The following NBEA variants were observed in gnomAD, a reference collection of about 807,000 sequenced individuals.
The protein encoded by NBEA is lysosomal-trafficking regulator 2.
A neutral mutation model predicts 343.4 loss-of-function variants in NBEA; 44 were observed. The ratio of observed to expected loss-of-function variants is 0.13; its 90% confidence interval spans 0.10 to 0.16. The LOEUF (loss-of-function observed/expected upper bound fraction) is 0.16, where lower values mean the gene tolerates loss of function less well. Among genes scored for constraint, NBEA ranks in the 10% least tolerant of loss-of-function variants. NBEA has a pLI of 1.00. For missense variants in NBEA, 2,555 were observed against 3,631.3 expected, an observed-to-expected ratio of 0.70 and a Z score of 7.62; for synonymous variants, 1,175 against 1,238.7, an observed-to-expected ratio of 0.95 and a Z score of 1.08.
chr13:35,657,473 CT>C, intron 55 of NBEA, among the ~76,000 whole-genome samples: 1 of 152,298 alleles, frequency 6.6e-6, no homozygotes, highest in East Asian at 1.9e-4. Flanking sequence ...CCTATTTACT[CT>C]TTTGTAAAGC....
intron 4 of NBEA, among the ~76,000 whole-genome samples, chr13:35,047,201 TTGTGTG>T (rs139134555): frequency 2.5e-4 from 37 of 148,068 alleles, no homozygotes; most frequent in Middle Eastern, 7.0e-3. Context: ...TCATTTGAAA[TTGTGTG>T]TGTGTGTGTG....
chr13:35,626,796 C>T (rs2083250075), intron 48 of NBEA, among the ~76,000 whole-genome samples: 1 of 151,966 alleles, frequency 6.6e-6, no homozygotes, highest in South Asian at 2.1e-4. Flanking sequence ...TTCCTGTGTT[C>T]TACTCTGAAC....
chr13:35,232,932 C>T (rs904635567), intron 34 of NBEA, among the ~76,000 whole-genome samples: 2 of 152,048 alleles, frequency 1.3e-5, no homozygotes, highest in Non-Finnish European at 1.5e-5. Flanking sequence ...GTTTATTAAG[C>T]AGTGATCTCT....
intron 41 of NBEA, among the ~76,000 whole-genome samples, chr13:35,479,839 A>G (rs779262242): frequency 3.3e-5 from 5 of 152,140 alleles, no homozygotes; most frequent in African/African-American, 4.8e-5. Context: ...AATTGTTTTC[A>G]GTGGTAGGCA....
chr13:35,509,931 G>A (rs1345276997), intron 41 of NBEA, among the ~76,000 whole-genome samples: 2 of 152,288 alleles, frequency 1.3e-5, no homozygotes, highest in East Asian at 1.9e-4. Context: ...CAAGCTAAAA[G>A]GGGAGCTCAT....
chr13:35,429,772 C>T (rs2044965232), intron 38 of NBEA, among the ~76,000 whole-genome samples: 1 of 150,266 alleles, frequency 6.7e-6, no homozygotes, highest in Admixed American at 6.7e-5. Flanking sequence ...TTCTCACCCA[C>T]CTCCCACCCT....
intron 10 of NBEA, among the ~76,000 whole-genome samples, chr13:35,078,571 G>T (rs2064224182): frequency 6.6e-6 from 1 of 152,182 alleles, no homozygotes; most frequent in Non-Finnish European, 1.5e-5. Flanking sequence ...TCAATGAGGG[G>T]ATTTGGTTGT....
At chr13:35,439,105 C>T (rs1245274244) in intron 39 of NBEA, among the ~76,000 whole-genome samples, 2 of 152,174 alleles carry the variant, frequency 1.3e-5, no homozygotes, top group African/African-American at 4.8e-5. Context: ...TGATTCCCAA[C>T]AGGGGCAGGG....
intron 41 of NBEA, among the ~76,000 whole-genome samples, chr13:35,521,383 A>T (rs1024007829): frequency 6.6e-6 from 1 of 152,210 alleles, no homozygotes; most frequent in African/African-American, 2.4e-5. Context: ...AATATTCAGG[A>T]ATCATTTGGT....
At chr13:35,187,880 A>G (rs1220155844) in intron 30 of NBEA, among the ~76,000 whole-genome samples, 4 of 151,992 alleles carry the variant, frequency 2.6e-5, no homozygotes, top group Non-Finnish European at 5.9e-5. Flanking sequence ...TTTTTTAATC[A>G]TGCCAAGCAT....
At chr13:35,627,460 G>A (rs1001334036) in intron 48 of NBEA, among the ~76,000 whole-genome samples, 13 of 149,688 alleles carry the variant, frequency 8.7e-5, no homozygotes, top group East Asian at 2.0e-4. Flanking sequence ...TCTTTTTTCT[G>A]TTTATGGAAA....
chr13:35,407,252 A>C (rs1243788484), intron 38 of NBEA, among the ~76,000 whole-genome samples: 1 of 152,044 alleles, frequency 6.6e-6, no homozygotes, highest in Non-Finnish European at 1.5e-5. Flanking sequence ...GGCATGAACC[A>C]CTGCACCCGG....
intron 34 of NBEA, among the ~76,000 whole-genome samples, chr13:35,236,208 C>G (rs1386101005): frequency 6.6e-6 from 1 of 152,148 alleles, no homozygotes; most frequent in Admixed American, 6.5e-5. Context: ...CTAGTTCATA[C>G]AACCCAGAAC....
rs150987101 is a variant in NBEA, at chr13:34,978,377, A to G, written c.294+35263A>G. Among the ~76,000 whole-genome samples, 580 of 152,282 alleles carry G rather than the reference A, an allele frequency of 3.8e-3. 4 individuals are homozygous for G. Among genetic ancestry groups the G allele is most frequent in the African/African-American group, 0.013 (558 of 41,566 alleles). ...TTTTACTAAAATAACTTTATCACAT[A>G]TCTGTATTTTTATGCATCCATCGAT... is the stretch of plus-strand genomic sequence containing the variant. On this transcript the variant is annotated intron_variant, in intron 1 of 58. Transcript: ENST00000379939.
intron 39 of NBEA, among the ~76,000 whole-genome samples, chr13:35,449,296 A>G (rs189839526): frequency 1.4e-4 from 21 of 152,354 alleles, no homozygotes; most frequent in African/African-American, 4.8e-4. Flanking sequence ...TGACAAAAGT[A>G]TGGAAGGCGG....
At chr13:35,107,678 T>C (rs533268772) in intron 11 of NBEA, among the ~76,000 whole-genome samples, 1 of 152,158 alleles carries the variant, frequency 6.6e-6, no homozygotes, top group East Asian at 1.9e-4. Flanking sequence ...TCAATTTTGC[T>C]AGCTGCTTTT....
At chr13:35,448,714 C>T (rs1353871157) in intron 39 of NBEA, among the ~76,000 whole-genome samples, 1 of 152,054 alleles carries the variant, frequency 6.6e-6, no homozygotes, top group Non-Finnish European at 1.5e-5. Context: ...ATGGTGGAAG[C>T]ATAAGGGAAA....
In NBEA at chr13:35,357,012, A is replaced by AT. The variant is rs1338659113; in HGVS notation, c.6179+4696dup. 5.9e-5 allele frequency among the ~76,000 whole-genome samples: 9 copies of AT among 152,152 alleles called. No homozygotes were observed. In the South Asian group the frequency reaches 8.3e-4, roughly 14 times the overall value. On this transcript the variant is annotated intron_variant, in intron 38 of 58. Transcript: ENST00000379939. The stretch of plus-strand genomic sequence containing the variant: ...TTGGCATATAATTTACTGTTTAACT[A>AT]TTTTTTTACCTGATATTATGGACTT...
At chr13:35,343,668 A>G (rs1192527539) in intron 36 of NBEA, among the ~76,000 whole-genome samples, 1 of 152,106 alleles carries the variant, frequency 6.6e-6, no homozygotes, top group Non-Finnish European at 1.5e-5. Flanking sequence ...GATCAGTGGC[A>G]GTATTAGATT....
Sources: allele counts gnomAD v4.1 joint callset (sites outside exome capture counted in the v4.1 genomes callset), GRCh38; gene constraint gnomAD v4.1.1; transcripts MANE v1.5; gene names NCBI Gene and HGNC (gene_info 2026-07-23, HGNC 2026-07-21).